Variants in BCAR3 observed in about 807,000 individuals in gnomAD.
The protein encoded by BCAR3 is BCAR3 adaptor protein, NSP family member, also known as breast cancer anti-estrogen resistance protein 3.
In BCAR3, 37 loss-of-function variants were observed where a neutral mutation model predicts 80.1. The ratio of observed to expected loss-of-function variants is 0.46; its 90% CI spans 0.36 to 0.61. The LOEUF is 0.61. Among genes scored for constraint, BCAR3 ranks in the 20% least tolerant of loss-of-function variants. The probability of loss-of-function intolerance (pLI) is 0.00; values close to 1 mark genes in which losing one functional copy is unlikely to be tolerated. For missense variants in BCAR3, 978 were observed against 1,068.2 expected, an observed-to-expected ratio of 0.92 and a Z score of 1.18; for synonymous variants, 389 against 418.9, an observed-to-expected ratio of 0.93 and a Z score of 0.87.
At chr1:93,661,109 C>A (rs236283) in intron 2 of BCAR3, among the ~76,000 whole-genome samples, 6,402 of 149,456 alleles carry the variant, frequency 0.043, 201 homozygotes, top group East Asian at 0.083. Flanking sequence ...GCATGATCTC[C>A]GCTCACCACA....
chr1:93,675,908 G>A (rs1290886872), intron 1 of BCAR3, among the ~76,000 whole-genome samples: 1 of 107,684 alleles, frequency 9.3e-6, no homozygotes, highest in Non-Finnish European at 1.8e-5. Context: ...AACACACAGA[G>A]GAAAAGAAAT....
intron 2 of BCAR3, among the ~76,000 whole-genome samples, chr1:93,740,019 G>C (rs1651123475): frequency 2.0e-5 from 3 of 148,294 alleles, no homozygotes; most frequent in Admixed American, 1.4e-4. Flanking sequence ...CTGGGTGACA[G>C]AGTGAAACTC....
At chr1:93,837,981 G>A (rs912088318) in intron 2 of BCAR3, among the ~76,000 whole-genome samples, 1 of 152,228 alleles carries the variant, frequency 6.6e-6, no homozygotes, top group African/African-American at 2.4e-5. Context: ...TGTTAGGACA[G>A]TATCTACAGG....
intron 3 of BCAR3, chr1:93,602,488 T>G (rs1674654911): frequency 6.6e-6 from 1 of 152,208 alleles, no homozygotes; most frequent in Non-Finnish European, 1.5e-5. Flanking sequence ...AAAAGCACAC[T>G]TTCAAAAGCA....
chr1:93,660,246 G>A (rs1031795650), intron 2 of BCAR3, among the ~76,000 whole-genome samples: 4 of 152,162 alleles, frequency 2.6e-5, no homozygotes, highest in Non-Finnish European at 4.4e-5. Context: ...GCCAGCGACC[G>A]AACTGTGATG....
chr1:93,714,423 C>A (rs1351395975), intron 2 of BCAR3, among the ~76,000 whole-genome samples: 1 of 152,160 alleles, frequency 6.6e-6, no homozygotes, highest in Non-Finnish European at 1.5e-5. Flanking sequence ...CACTGCCTGG[C>A]ACATAGTGGG....
intron 2 of BCAR3, among the ~76,000 whole-genome samples, chr1:93,835,979 T>C (rs1048722970): frequency 3.9e-5 from 6 of 152,178 alleles, no homozygotes; most frequent in Admixed American, 3.9e-4. Context: ...TCACCCAGTT[T>C]CTCAGGCTCT....
chr1:93,730,553 C>T (rs981404877), intron 2 of BCAR3, among the ~76,000 whole-genome samples: 2 of 152,202 alleles, frequency 1.3e-5, no homozygotes, highest in Admixed American at 6.5e-5. Context: ...TATACACATA[C>T]GTCCTGTACT....
chr1:93,676,544 T>C (rs1648497393), intron 1 of BCAR3, among the ~76,000 whole-genome samples: 1 of 152,176 alleles, frequency 6.6e-6, no homozygotes, highest in Non-Finnish European at 1.5e-5. Context: ...TCACAGTGGG[T>C]GCAGAACAAT....
At chr1:93,755,038 T>C (rs1267082416) in intron 2 of BCAR3, among the ~76,000 whole-genome samples, 2 of 152,148 alleles carry the variant, frequency 1.3e-5, no homozygotes, top group Non-Finnish European at 2.9e-5. Context: ...GCTAATCGTG[T>C]GTGCTTGTGT....
chr1:93,640,968 C>T (rs1675957857), intron 3 of BCAR3, among the ~76,000 whole-genome samples: 2 of 152,202 alleles, frequency 1.3e-5, no homozygotes, highest in South Asian at 4.1e-4. Flanking sequence ...AGTCATATCA[C>T]AGTCTATGCA....
At chr1:93,787,649 G>T (rs1308241255) in intron 2 of BCAR3, among the ~76,000 whole-genome samples, 1 of 152,078 alleles carries the variant, frequency 6.6e-6, no homozygotes, top group Admixed American at 6.6e-5. Flanking sequence ...TTTATTTCCA[G>T]TTTTATTCCA....
At chr1:93,783,297 C>T (rs1305161807) in intron 2 of BCAR3, among the ~76,000 whole-genome samples, 1 of 152,144 alleles carries the variant, frequency 6.6e-6, no homozygotes, top group Non-Finnish European at 1.5e-5. Context: ...CATCCATAGC[C>T]TCTACCTGCC....
chr1:93,649,543 G>GA lies in BCAR3; in HGVS notation c.318-7201dup, dbSNP rs112204030. Among the ~76,000 whole-genome samples, 196 of 143,684 alleles carry GA rather than the reference G, an allele frequency of 1.4e-3. 1 individual carries two copies. The highest frequency in any genetic ancestry group is 4.5e-3 in the African/African-American group (175 of 39,014). The allele number at this position is 143,684 out of a possible 152,430, so 94.3% of individuals were successfully genotyped here. A position where few individuals can be genotyped will look rare whatever the true frequency, so the allele number is the denominator to read the frequency against. On this transcript the variant is annotated intron_variant, in intron 2 of 11. Coordinates refer to ENST00000260502, the MANE Select transcript of BCAR3 (RefSeq NM_003567.4). ...TGTTTCAGCTTTCAAAAGGTGAAAG[G>GA]AAAAAAAAAATCATGTAGCTGGGAA... is the stretch of plus-strand genomic sequence containing the variant.
chr1:93,614,475 A>T (rs1675045889), intron 3 of BCAR3, among the ~76,000 whole-genome samples: 1 of 152,024 alleles, frequency 6.6e-6, no homozygotes, highest in African/African-American at 2.4e-5. Context: ...AGGTGGCCTA[A>T]AAGTGACTTT....
At chr1:93,639,054 G>T (rs574652817) in intron 3 of BCAR3, among the ~76,000 whole-genome samples, 1 of 152,268 alleles carries the variant, frequency 6.6e-6, no homozygotes, top group African/African-American at 2.4e-5. Flanking sequence ...GTGCTGTCAG[G>T]AGTCCCAGCA....
intron 3 of BCAR3, among the ~76,000 whole-genome samples, chr1:93,622,191 G>A (rs571794539): frequency 2.5e-4 from 38 of 152,336 alleles, no homozygotes; most frequent in African/African-American, 8.7e-4. Flanking sequence ...GAGCCACCAT[G>A]CCAGGCCAGG....
intron 3 of BCAR3, among the ~76,000 whole-genome samples, chr1:93,629,424 C>T (rs983755828): frequency 3.9e-5 from 6 of 152,240 alleles, no homozygotes; most frequent in African/African-American, 1.2e-4. Context: ...TCAAAATCTA[C>T]ATACAGTATC....
chr1:93,675,009 A>G, intron 1 of BCAR3, 68 bp from the exon 2 acceptor site: 1 of 1,292,652 alleles, frequency 7.7e-7, no homozygotes, highest in Non-Finnish European at 1.0e-6. Context: ...TCCTACTTAC[A>G]AAAGGAAATG....
Sources: allele counts gnomAD v4.1 joint callset (sites outside exome capture counted in the v4.1 genomes callset), GRCh38; gene constraint gnomAD v4.1.1; transcripts MANE v1.5; gene names NCBI Gene and HGNC (gene_info 2026-07-23, HGNC 2026-07-21).